The following RAD51B variants were observed in gnomAD, a reference collection of about 807,000 sequenced individuals.
RAD51B encodes the protein DNA repair protein RAD51 homolog 2.
Under a neutral mutation model 42.2 loss-of-function variants are expected in RAD51B, and 38 were observed. The observed-to-expected ratio is 0.90, with a 90% confidence interval of 0.70 to 1.18. RAD51B has a LOEUF of 1.18. Ranked by LOEUF, RAD51B falls within the 50% of genes most tolerant of loss-of-function variation. RAD51B has a pLI of 0.00. For synonymous variants in RAD51B, 154 were observed against 145.2 expected (o/e 1.06, Z -0.43); for missense variants, 373 against 400.7 (o/e 0.93, Z 0.59).
intron 8 of RAD51B, among the ~76,000 whole-genome samples, chr14:68,320,303 A>T (rs1019203892): frequency 2.0e-5 from 3 of 152,236 alleles, no homozygotes; most frequent in African/African-American, 7.2e-5. Context: ...CTCCTGTTTT[A>T]TATGCATATG....
chr14:68,640,231 C>A (rs749344227), intron 10 of RAD51B, among the ~76,000 whole-genome samples: 2 of 152,166 alleles, frequency 1.3e-5, no homozygotes, highest in African/African-American at 2.4e-5. Context: ...CAGAAGGCAC[C>A]CCTTTCCAGG....
At chr14:68,208,357 A>T (rs554428600) in intron 7 of RAD51B, among the ~76,000 whole-genome samples, 1 of 152,336 alleles carries the variant, frequency 6.6e-6, no homozygotes, top group East Asian at 1.9e-4. Flanking sequence ...GCCTGTGGCT[A>T]CTGGCATCAT....
intron 10 of RAD51B, among the ~76,000 whole-genome samples, chr14:68,570,314 C>T (rs1889630067): frequency 6.6e-6 from 1 of 152,142 alleles, no homozygotes; most frequent in Non-Finnish European, 1.5e-5. Flanking sequence ...GGAGAGGGCC[C>T]AGAATTATGA....
chr14:68,096,789 G>C (rs911129500), intron 7 of RAD51B, among the ~76,000 whole-genome samples: 1 of 151,028 alleles, frequency 6.6e-6, no homozygotes, highest in Non-Finnish European at 1.5e-5. Context: ...TCTAATAGCT[G>C]CAAAGGAATA....
At chr14:68,054,793 T>G (rs947507688) in intron 7 of RAD51B, among the ~76,000 whole-genome samples, 3 of 152,194 alleles carry the variant, frequency 2.0e-5, no homozygotes, top group Admixed American at 1.3e-4. Flanking sequence ...GTTGGAAGCA[T>G]AGGCAAGACA....
intron 9 of RAD51B, among the ~76,000 whole-genome samples, chr14:68,418,708 G>A (rs1407276319): frequency 2.6e-5 from 4 of 152,212 alleles, no homozygotes; most frequent in African/African-American, 4.8e-5. Flanking sequence ...TGGACAAGGC[G>A]CTGCCCTGAA....
chr14:68,292,071 C>G, intron 8 of RAD51B, 91 bp downstream of exon 8: 2 of 1,205,420 alleles, frequency 1.7e-6, no homozygotes, highest in Non-Finnish European at 2.4e-6. Flanking sequence ...GGAGATATGG[C>G]TAATAGGCCC....
chr14:68,258,574 TAAAA>T (rs2080807912), intron 7 of RAD51B, among the ~76,000 whole-genome samples: 1 of 152,098 alleles, frequency 6.6e-6, no homozygotes. Context: ...TTTTGTGTCT[TAAAA>T]AAACTTAAAG....
At chr14:68,234,444 A>G (rs2080206020) in intron 7 of RAD51B, among the ~76,000 whole-genome samples, 1 of 152,194 alleles carries the variant, frequency 6.6e-6, no homozygotes, top group African/African-American at 2.4e-5. Flanking sequence ...TTATTAGGTG[A>G]TTTCAACATT....
intron 3 of RAD51B, among the ~76,000 whole-genome samples, chr14:67,830,019 G>A (rs2040979678): frequency 6.6e-6 from 1 of 152,154 alleles, no homozygotes; most frequent in South Asian, 2.1e-4. Flanking sequence ...GAGATGGGCA[G>A]GGAAGAGTTA....
chr14:67,997,594 T>G (rs1299483721), intron 7 of RAD51B, among the ~76,000 whole-genome samples: 1 of 152,202 alleles, frequency 6.6e-6, no homozygotes, highest in Non-Finnish European at 1.5e-5. Flanking sequence ...ACAGATGGTT[T>G]TCTTTCTATT....
chr14:68,214,067 C>T (rs1391335956), intron 7 of RAD51B, among the ~76,000 whole-genome samples: 1 of 152,090 alleles, frequency 6.6e-6, no homozygotes, highest in Non-Finnish European at 1.5e-5. Flanking sequence ...TATACCCTTC[C>T]CTAGTTAAAC....
chr14:68,267,081 T>A (rs2081006932), intron 7 of RAD51B, among the ~76,000 whole-genome samples: 1 of 152,180 alleles, frequency 6.6e-6, no homozygotes, highest in South Asian at 2.1e-4. Flanking sequence ...GACTTGTAAG[T>A]CTAACCCAGT....
At chr14:68,344,881 A>G (rs2082644716) in intron 8 of RAD51B, among the ~76,000 whole-genome samples, 1 of 143,136 alleles carries the variant, frequency 7.0e-6, no homozygotes, top group Non-Finnish European at 1.5e-5. Context: ...CAGGAGGCGG[A>G]GCTTGCAGTG....
intron 4 of RAD51B, among the ~76,000 whole-genome samples, chr14:67,860,041 C>T (rs1253344024): frequency 5.3e-5 from 8 of 152,228 alleles, no homozygotes; most frequent in Admixed American, 3.9e-4. Context: ...AGACTGGTCT[C>T]GAACTTCCGA....
intron 7 of RAD51B, among the ~76,000 whole-genome samples, chr14:68,229,479 G>T (rs2080105677): frequency 6.6e-6 from 1 of 152,140 alleles, no homozygotes; most frequent in Non-Finnish European, 1.5e-5. Flanking sequence ...AGATGCCTCT[G>T]GCTTACTCAT....
intron 10 of RAD51B, among the ~76,000 whole-genome samples, chr14:68,513,056 G>T (rs1885846436): frequency 6.6e-6 from 1 of 152,170 alleles, no homozygotes; most frequent in Non-Finnish European, 1.5e-5. Flanking sequence ...GGACAACTGT[G>T]ATACATTAGG....
chr14:68,494,715 A>C (rs1036537731), intron 10 of RAD51B, among the ~76,000 whole-genome samples: 1 of 152,112 alleles, frequency 6.6e-6, no homozygotes, highest in Non-Finnish European at 1.5e-5. Context: ...GAAAGGAAAT[A>C]CTGAAATTTT....
At position 68,136,720 on chromosome 14, in the gene RAD51B, A is replaced by G; in HGVS notation, c.757-155164A>G. Among the ~76,000 whole-genome samples the G allele has an allele frequency of 3.0e-5, 2 of 66,752 alleles. 1 individual carries two copies. The highest frequency in any genetic ancestry group is 3.7e-4 in the Admixed American group (2 of 5,340). The allele number at this position is 66,752 out of a possible 152,430, so 43.8% of individuals were successfully genotyped here. A position where few individuals can be genotyped will look rare whatever the true frequency, so the allele number is the denominator to read the frequency against. ...CTAATTAAATCCTGACAATAAACCTATTAAGATAGATATTATTAACCTCAT... is the reference window on the plus strand; with the variant it reads ...CTAATTAAATCCTGACAATAAACCTGTTAAGATAGATATTATTAACCTCAT... On this transcript the variant is annotated intron_variant, in intron 7 of 10. Coordinates refer to ENST00000471583, the MANE Select transcript of RAD51B (RefSeq NM_133510.4).
Sources: allele counts gnomAD v4.1 joint callset (sites outside exome capture counted in the v4.1 genomes callset), GRCh38; gene constraint gnomAD v4.1.1; transcripts MANE v1.5; gene names NCBI Gene and HGNC (gene_info 2026-07-23, HGNC 2026-07-21).